The following PHF23 variants were observed in gnomAD, a reference collection of about 807,000 sequenced individuals.
PHF23 encodes PHD finger protein 23, also known as PDH-containing protein JUNE-1.
PHF23 carries 3 observed loss-of-function variants against 36.0 expected under a neutral mutation model. The observed-to-expected ratio is 0.08, with a 90% CI of 0.04 to 0.22. The LOEUF is 0.22. Ranked by LOEUF, PHF23 falls within the 10% of genes least tolerant of loss-of-function variation. PHF23 has a pLI of 1.00. For missense variants in PHF23, 475 were observed against 513.6 expected (o/e 0.92, Z 0.73); for synonymous variants, 242 against 192.5 (o/e 1.26, Z -2.13).
At chr17:7,239,499 TCCC>T, upstream of PHF23, 1 of 403,450 alleles carries the variant, frequency 2.5e-6, no homozygotes, top group Non-Finnish European at 4.5e-6. Flanking sequence ...GGCCGCCTGC[TCCC>T]TCCTCCTCCT....
rs750263078 is a variant in PHF23 at position 7,235,719 on chromosome 17, G to C, written c.1119C>G (p.Thr373=). 6.2e-7 allele frequency: 1 copy of C among 1,614,128 alleles called. No homozygotes were observed. Among genetic ancestry groups the C allele is most frequent in the South Asian group, 1.1e-5 (1 of 91,082 alleles). The stretch of plus-strand genomic sequence containing the variant: ...GGCAATAAAAGAAGTCGGGGACGTT[G>C]GTCTTCTTAATCTTAGCACAGGAGA... ...IHLSCAKIKK[T]NVPDFFYCQK... is the part of the protein sequence containing the mutation. The change falls in exon 5 of 5, where the codon ACC becomes ACG. Residue 373 remains threonine (T), a synonymous_variant. Coordinates refer to ENST00000320316, the MANE Select transcript of PHF23 (RefSeq NM_024297.3).
chr17:7,237,362 G>A lies in PHF23; in HGVS notation c.159+23C>T, dbSNP rs754076658. 6 of 1,582,446 alleles carry A rather than the reference G, an allele frequency of 3.8e-6. No homozygotes were observed. The East Asian group carries it at 1.3e-4, about 35-fold the overall frequency. ...TATAGTCCCACCACACCAGCCTCAA[G>A]TCAGTAATTCTCTTGCCCCTACCTC... On this transcript the variant is annotated intron_variant, in intron 3 of 4. Coordinates refer to ENST00000320316, the MANE Select transcript of PHF23 (RefSeq NM_024297.3).
In PHF23 at chr17:7,236,774, AG is replaced by A. The variant is rs779641178; in HGVS notation, c.160-8del. The A allele has an allele frequency of 1.2e-6, 2 of 1,603,606 alleles. No individual in the cohort carries two copies. The highest frequency in any genetic ancestry group is 2.2e-5 in the East Asian group (1 of 44,816). On this transcript the variant is annotated splice_region_variant and splice_polypyrimidine_tract_variant and intron_variant, in intron 3 of 4. Transcript: ENST00000320316. The surrounding 1 kb of genome is among the most constrained non-coding windows in gnomAD (Gnocchi z 5.1). ...AGGCTGGCCAGTCACTTTCCTTAAA[AG>A]GGGGAAGAGACCAGGGTCAGCAGAA...
Position 7,236,095 on chromosome 17 carries a change from G to C in PHF23, c.832C>G (p.Pro278Ala), listed in dbSNP as rs1231077733. Residue 278 changes from proline to alanine, a missense_variant, in exon 4 of 5, where the codon CCC becomes GCC. This residue lies in a region of PHF23 where 350 missense variants were observed against 319.8 expected (regional missense o/e 1.09). Coordinates refer to ENST00000320316, the MANE Select transcript of PHF23 (RefSeq NM_024297.3). The surrounding 1 kb of genome is among the most constrained non-coding windows in gnomAD (Gnocchi z 5.1). ...GEAPVPVLPT[P>A]PEAPRPPATV... Reference sequence around the variant, plus strand: ...GCAGGGGGCCTAGGAGCCTCAGGGGGTGTTGGCAGCACAGGGACTGGGGCT... The same window carrying C: ...GCAGGGGGCCTAGGAGCCTCAGGGGCTGTTGGCAGCACAGGGACTGGGGCT... 5 of 1,613,124 alleles carry C rather than the reference G, an allele frequency of 3.1e-6. No individual in the cohort carries two copies.
In PHF23 at chr17:7,237,612, G is replaced by T. The variant is rs762050360; in HGVS notation, c.66+17C>A. 1 of 1,614,008 alleles carries T rather than the reference G, an allele frequency of 6.2e-7. No homozygotes were observed. The highest frequency in any genetic ancestry group is 8.5e-7 in the Non-Finnish European group (1 of 1,179,942). On this transcript the variant is annotated intron_variant, in intron 2 of 4. Transcript: ENST00000320316. The stretch of plus-strand genomic sequence containing the variant: ...TCAGGCAGGGCTACTAGGCTGCAAA[G>T]GTAAGGCAAACCTCACCTGAGTCTC...
intron 1 of PHF23, 43 bp from the exon 2 acceptor site, chr17:7,237,703 C>G (rs373356133): frequency 1.2e-6 from 2 of 1,606,104 alleles, no homozygotes; most frequent in Non-Finnish European, 1.7e-6. Flanking sequence ...TAGGAACAAT[C>G]TGTGTAAAAC....
Position 7,236,699 on chromosome 17 carries a change from G to C in PHF23, c.228C>G (p.Gly76=). The C allele has an allele frequency of 1.2e-6, 2 of 1,613,954 alleles. No individual in the cohort carries two copies. Among genetic ancestry groups the C allele is most frequent in the Non-Finnish European group, 1.7e-6 (2 of 1,180,002 alleles). The stretch of plus-strand genomic sequence containing the variant: ...GAAGATCTGAGGGGGCCGAGTCCCA[G>C]CCATCACTGTCGGCCGCACTCTCTC... The part of the protein sequence containing the change: ...LRGESAADSD[G]WDSAPSDLRT... The change falls in exon 4 of 5, where the codon GGC becomes GGG. Residue 76 remains glycine (G), a synonymous_variant. Coordinates refer to ENST00000320316, the MANE Select transcript of PHF23 (RefSeq NM_024297.3). The surrounding 1 kb of genome is among the most constrained non-coding windows in gnomAD (Gnocchi z 5.1).
rs201898433 is a variant in PHF23 at position 7,236,370 on chromosome 17, C to A, written c.557G>T (p.Arg186Leu). ...AGCCCCAGCTCCTGGCCCCAACTTT[C>A]GGTTCTTTCGGTCCTTCTTTCGAGG... The part of the protein sequence containing the change: ...HPPRKKDRKN[R>L]KLGPGAGAGF... The change falls in exon 4 of 5, where the codon CGA becomes CTA. Residue 186 changes from arginine to leucine, a missense_variant. Coordinates refer to ENST00000320316, the MANE Select transcript of PHF23 (RefSeq NM_024297.3). This position sits in a 1 kb window ranked among gnomAD's most constrained non-coding sequence, Gnocchi z 5.1. 6.2e-7 allele frequency: 1 copy of A among 1,614,114 alleles called. No individual in the cohort carries two copies.
chr17:7,236,620 G>C lies in PHF23; in HGVS notation c.307C>G (p.Gln103Glu), dbSNP rs932411190. ...GGTCCTGGCTGGGTGGGACCTGCTT[G>C]AGCTGCCCTTCTCTTGGATGACTTT... The part of the protein sequence containing the change: ...KAKSSKRRAA[Q>E]AGPTQPGPPR... Residue 103 changes from glutamine (Q) to glutamate (E), a missense_variant, in exon 4 of 5, where the codon CAA (glutamine) becomes GAA (glutamate). Coordinates refer to ENST00000320316, the MANE Select transcript of PHF23 (RefSeq NM_024297.3). The surrounding 1 kb of genome is among the most constrained non-coding windows in gnomAD (Gnocchi z 5.1). 6.2e-7 allele frequency: 1 copy of C among 1,614,182 alleles called. No homozygotes were observed. Among genetic ancestry groups the C allele is most frequent in the Non-Finnish European group, 8.5e-7 (1 of 1,180,022 alleles).
intron 1 of PHF23, chr17:7,238,568 T>A: frequency 2.1e-6 from 2 of 943,508 alleles, no homozygotes; most frequent in Non-Finnish European, 2.4e-6. Context: ...CCCCTCACCC[T>A]CAGCAACTCC....
chr17:7,236,509 G>A lies in PHF23; in HGVS notation c.418C>T (p.Leu140=), dbSNP rs768389172. 2 of 1,614,142 alleles carry A rather than the reference G, an allele frequency of 1.2e-6. No homozygotes were observed. Among genetic ancestry groups the A allele is most frequent in the Non-Finnish European group, 1.7e-6 (2 of 1,180,004 alleles). Reference sequence around the variant, plus strand: ...GGAGATGCCACTTTGGGCCCATCCAGATCAAAGAGAGAGTCCTTGAGCTTC... The same window carrying A: ...GGAGATGCCACTTTGGGCCCATCCAAATCAAAGAGAGAGTCCTTGAGCTTC... The part of the protein sequence containing the change: ...KMKLKDSLFD[L]DGPKVASPLS... Residue 140 remains leucine (L), a synonymous_variant, in exon 4 of 5, where the codon CTG becomes TTG. Coordinates refer to ENST00000320316, the MANE Select transcript of PHF23 (RefSeq NM_024297.3). This position sits in a 1 kb window ranked among gnomAD's most constrained non-coding sequence, Gnocchi z 5.1.
In PHF23 at chr17:7,235,464, A is replaced by G; in HGVS notation, c.*162T>C. 1.4e-6 allele frequency: 1 copy of G among 706,762 alleles called. No individual in the cohort carries two copies. Among genetic ancestry groups the G allele is most frequent in the Non-Finnish European group, 2.4e-6 (1 of 421,428 alleles). 43.8% of individuals were successfully genotyped at this position (706,762 alleles called of 1,614,324 possible). On this transcript the variant is annotated 3_prime_UTR_variant, in exon 5 of 5. Coordinates refer to ENST00000320316, the MANE Select transcript of PHF23 (RefSeq NM_024297.3). ...AGTCCACAGAGTGGGGAGGAAGGAT[A>G]GGGTGGGAAAGTGAGACACTCATTT...
At chr17:7,240,086 TC>T (rs2071760397), upstream of PHF23, 1 of 152,200 alleles carries the variant, frequency 6.6e-6, no homozygotes, top group Admixed American at 6.5e-5. Flanking sequence ...ATGTGGATGT[TC>T]ACCTAAAGCA....
chr17:7,237,466 T>C lies in PHF23; in HGVS notation c.78A>G (p.Lys26=), dbSNP rs760741614. The change falls in exon 3 of 5, where the codon AAA becomes AAG. Residue 26 remains lysine (K), a synonymous_variant. Transcript: ENST00000320316. ...TGAAATCCTCAATTGTTCTCCGCCG[T>C]TTCTCTGGTGGCTGAAAGGAAGGAG... The part of the protein sequence containing the change: ...TLKPETQPPE[K]RRRTIEDFNK... 1.4e-5 allele frequency: 23 copies of C among 1,614,088 alleles called. No homozygotes were observed. The South Asian group carries it at 2.4e-4, about 17-fold the overall frequency.
Position 7,235,383 on chromosome 17 carries a change from T to TC in PHF23, c.*242_*243insG. ...TGGTGGCAGGTCCAAGAGACAGAGATTATGTGTCGGGACACAGACAGCCTC... is the reference window on the plus strand; with the variant it reads ...TGGTGGCAGGTCCAAGAGACAGAGATCTATGTGTCGGGACACAGACAGCCTC... On this transcript the variant is annotated 3_prime_UTR_variant, in exon 5 of 5. Transcript: ENST00000320316. The TC allele has an allele frequency of 1.3e-4, 71 of 534,172 alleles. No individual in the cohort carries two copies. Among genetic ancestry groups the TC allele is most frequent in the Admixed American group, 3.2e-4 (10 of 31,682 alleles). The allele number at this position is 534,172 out of a possible 1,614,324, so 33.1% of individuals were successfully genotyped here.
intron 1 of PHF23, chr17:7,237,870 A>G (rs986875192): frequency 3.0e-5 from 18 of 596,584 alleles, no homozygotes; most frequent in Non-Finnish European, 5.0e-5. Context: ...AGGCCTCGCT[A>G]TAGCGCTCCC....
rs2071741328 is a variant in PHF23 at position 7,239,060 on chromosome 17, A to C, written c.34+186T>G. The C allele has an allele frequency of 3.2e-6, 4 of 1,261,006 alleles. No homozygotes were observed. In the Admixed American group the frequency reaches 1.1e-4, roughly 34 times the overall value. 78.1% of individuals were successfully genotyped at this position (1,261,006 alleles called of 1,614,324 possible). A position where few individuals can be genotyped will look rare whatever the true frequency, so the allele number is the denominator to read the frequency against. On this transcript the variant is annotated intron_variant, in intron 1 of 4. Transcript: ENST00000320316. ...ACACCGTCTGATCTCCAACTACCCC[A>C]GCCCAGTTTCCCACTCCTCTTTCTC... is the stretch of plus-strand genomic sequence containing the variant.
Position 7,239,414 on chromosome 17 carries a change from G to T in PHF23, c.-135C>A, listed in dbSNP as rs1597568520. On this transcript the variant is annotated 5_prime_UTR_variant, in exon 1 of 5. Coordinates refer to ENST00000320316, the MANE Select transcript of PHF23 (RefSeq NM_024297.3). ...CTCAGCCCGGTTGAGACTCGAGTCC[G>T]CTAGCCGCTGCCGCCACCTCCCTCT... 4.1e-6 allele frequency: 2 copies of T among 487,242 alleles called. No homozygotes were observed. The highest frequency in any genetic ancestry group is 4.8e-5 in the South Asian group (2 of 42,048). The allele number at this position is 487,242 out of a possible 1,614,324, so 30.2% of individuals were successfully genotyped here.
rs373393381 is a variant in PHF23 at position 7,237,013 on chromosome 17, C to T, written c.160-246G>A. On this transcript the variant is annotated intron_variant, in intron 3 of 4. Coordinates refer to ENST00000320316, the MANE Select transcript of PHF23 (RefSeq NM_024297.3). ...CTGCCCCTGCCCAGGGCCTGTGGAACACTGTATCACCCAGACCGGAGCCGT... is the reference window on the plus strand; with the variant it reads ...CTGCCCCTGCCCAGGGCCTGTGGAATACTGTATCACCCAGACCGGAGCCGT... Among the ~76,000 whole-genome samples, 15 of 152,302 alleles carry T rather than the reference C, an allele frequency of 9.8e-5. No individual in the cohort carries two copies. The East Asian group carries it at 2.5e-3, about 25-fold the overall frequency.
Sources: gnomAD v4.1 joint callset for allele counts (sites outside exome capture counted in the v4.1 genomes callset) on GRCh38, gnomAD v4.1.1 for gene constraint, gnomAD v4.1.1 regional missense constraint, Gnocchi (gnomAD v3.1) non-coding constraint, MANE v1.5 for transcripts, NCBI Gene and HGNC (gene_info 2026-07-23, HGNC 2026-07-21) for gene names.